DNA2: variants seen among roughly 807,000 people sequenced by gnomAD.
DNA2 encodes DNA replication helicase/nuclease 2, also known as DNA replication ATP-dependent helicase/nuclease DNA2.
Under a neutral mutation model 119.1 loss-of-function variants are expected in DNA2, and 101 were observed. The observed-to-expected ratio is 0.85, with a 90% CI of 0.72 to 1.00. The LOEUF (loss-of-function observed/expected upper bound fraction) is 1.00, where lower values mean the gene tolerates loss of function less well. DNA2 is among the 50% of genes least tolerant of loss of function. The probability of loss-of-function intolerance (pLI) is 0.00; values close to 1 mark genes in which losing one functional copy is unlikely to be tolerated. For synonymous variants in DNA2, 366 were observed against 424.4 expected (o/e 0.86, Z 1.69); for missense variants, 1,121 against 1,255.5 (o/e 0.89, Z 1.62).
intron 14 of DNA2, chr10:68,424,590 C>T (rs528008894): frequency 1.6e-5 from 19 of 1,167,000 alleles, no homozygotes; most frequent in Non-Finnish European, 2.2e-5. Context: ...GAACTTGGAC[C>T]GCAGCAAAAA....
intron 13 of DNA2, 105 bp from the exon 14 acceptor site, chr10:68,430,765 C>A: frequency 1.1e-6 from 1 of 902,166 alleles, no homozygotes; most frequent in South Asian, 1.9e-5. Flanking sequence ...AGAGCTGAGC[C>A]AAGTAAAAAT....
intron 14 of DNA2, 96 bp downstream of exon 14, chr10:68,430,340 C>T (rs2051803148): frequency 1.2e-6 from 1 of 825,344 alleles, no homozygotes; most frequent in Admixed American, 2.6e-5. Flanking sequence ...TGTGCAAATC[C>T]AGTCAATGTG....
chr10:68,445,603 T>C (rs1482004451), intron 7 of DNA2, among the ~76,000 whole-genome samples: 2 of 152,150 alleles, frequency 1.3e-5, no homozygotes, highest in Non-Finnish European at 2.9e-5. Flanking sequence ...AACAACATTT[T>C]GGTACATTTC....
chr10:68,445,939 C>T (rs1352886746), intron 7 of DNA2, among the ~76,000 whole-genome samples: 2 of 152,046 alleles, frequency 1.3e-5, no homozygotes, highest in African/African-American at 2.4e-5. Context: ...CCAGCCTGGC[C>T]AACATGGCGA....
In DNA2 at chr10:68,414,906, TCA is replaced by T. The variant is rs1324428307; in HGVS notation, c.*131_*132del. 2 of 523,944 alleles carry T rather than the reference TCA, an allele frequency of 3.8e-6. No homozygotes were observed. Among genetic ancestry groups the T allele is most frequent in the African/African-American group, 1.9e-5 (1 of 51,756 alleles). 32.5% of individuals were successfully genotyped at this position (523,944 alleles called of 1,614,324 possible). A position where few individuals can be genotyped will look rare whatever the true frequency, so the allele number is the denominator to read the frequency against. ...CATAGAACCCATAAATTCAGACTTT[TCA>T]CAGTTTTCGGTACACCTGTGCTTTA... On this transcript the variant is annotated 3_prime_UTR_variant, in exon 21 of 21. Transcript: ENST00000358410.
chr10:68,455,804 G>A (rs773483752), intron 5 of DNA2, among the ~76,000 whole-genome samples: 2 of 151,934 alleles, frequency 1.3e-5, no homozygotes, highest in Non-Finnish European at 2.9e-5. Flanking sequence ...CTGAGCGACA[G>A]AGCGAGACTC....
intron 9 of DNA2, among the ~76,000 whole-genome samples, chr10:68,440,823 C>T (rs2051958005): frequency 6.6e-6 from 1 of 152,088 alleles, no homozygotes; most frequent in South Asian, 2.1e-4. Context: ...CATTAATACT[C>T]ATTCTGCAAA....
chr10:68,415,251 C>T (rs2051573169), intron 20 of DNA2, 144 bp from the exon 21 acceptor site: 4 of 549,842 alleles, frequency 7.3e-6, no homozygotes, highest in East Asian at 3.0e-5. Flanking sequence ...ATAATTATGC[C>T]TTTAAGCAAC....
rs187660163 is a variant in DNA2, at chr10:68,437,072, C to A, written c.1585G>T (p.Ala529Ser). 1.0e-3 allele frequency: 1,644 copies of A among 1,613,910 alleles called. 15 individuals carry two copies. Among genetic ancestry groups the A allele is most frequent in the Non-Finnish European group, 3.9e-4 (461 of 1,179,862 alleles). ...TCCTTCACATATCCTCTAGACAAAG[C>A]AAACAGTGACCTTTCTTCTCCACTT... ...IVSGEERSLF[A>S]LSRGYVKEIN... The change falls in exon 10 of 21, where the codon GCT (alanine) becomes TCT (serine). Residue 529 changes from alanine (A) to serine (S), a missense_variant. Transcript: ENST00000358410.
At chr10:68,464,302 C>T (rs756968957) in intron 4 of DNA2, among the ~76,000 whole-genome samples, 2 of 151,264 alleles carry the variant, frequency 1.3e-5, no homozygotes, top group African/African-American at 2.4e-5. Flanking sequence ...CACTTGAGGT[C>T]AGTAGTACAA....
At chr10:68,444,038 CT>C (rs1258147761) in intron 8 of DNA2, among the ~76,000 whole-genome samples, 1 of 151,966 alleles carries the variant, frequency 6.6e-6, no homozygotes, top group Non-Finnish European at 1.5e-5. Context: ...AGGCAGATCA[CT>C]TGAGGTCAGG....
chr10:68,420,267 G>A (rs144473676), intron 17 of DNA2, among the ~76,000 whole-genome samples: 6 of 152,286 alleles, frequency 3.9e-5, no homozygotes, highest in African/African-American at 7.2e-5. Context: ...GGCCGGGCGC[G>A]GTGGCTCACG....
At chr10:68,416,495 A>G in intron 20 of DNA2, 1 of 465,276 alleles carries the variant, frequency 2.1e-6, no homozygotes, top group Non-Finnish European at 3.9e-6. Flanking sequence ...TTTTAATCTA[A>G]TCATTTGTTC....
chr10:68,450,284 ACT>A (rs762200362), intron 5 of DNA2, 37 bp from the exon 6 acceptor site: 52 of 1,447,684 alleles, frequency 3.6e-5, no homozygotes, highest in Admixed American at 8.1e-5. Flanking sequence ...CTTAATTAGA[ACT>A]CTTAGCTCAT....
At chr10:68,471,179 T>C (rs1036461724) in intron 1 of DNA2, among the ~76,000 whole-genome samples, 25 of 152,180 alleles carry the variant, frequency 1.6e-4, no homozygotes, top group Non-Finnish European at 4.4e-5. Context: ...AGTTATCTTT[T>C]GTTACCTGAC....
chr10:68,457,472 A>ACTAC (rs1230694393), intron 5 of DNA2, among the ~76,000 whole-genome samples: 1 of 152,144 alleles, frequency 6.6e-6, no homozygotes, highest in Non-Finnish European at 1.5e-5. Context: ...CCCTGCCACC[A>ACTAC]CTACCTACCT....
At chr10:68,437,831 C>T (rs1477470518) in intron 9 of DNA2, among the ~76,000 whole-genome samples, 1 of 152,048 alleles carries the variant, frequency 6.6e-6, no homozygotes, top group Non-Finnish European at 1.5e-5. Flanking sequence ...ATGCCTCAGT[C>T]TCCTGAGTAG....
At chr10:68,417,391 C>CAAAA (rs35777569) in intron 19 of DNA2, among the ~76,000 whole-genome samples, 1,215 of 76,918 alleles carry the variant, frequency 0.016, 8 homozygotes, top group Middle Eastern at 0.018. Flanking sequence ...ATAAGAAAAC[C>CAAAA]AAAAAAAAAA....
At position 68,445,059 on chromosome 10, in the gene DNA2, A is replaced by G. The variant is rs1370522958; in HGVS notation, c.1082T>C (p.Met361Thr). ...KRELLKLRNQ[M>T]AFSLFHRISK... ...AATACGGTGAAACAATGAGAATGCCATCTGGTTTCTTAGCTTTAATAATTC... is the reference window on the plus strand; with the variant it reads ...AATACGGTGAAACAATGAGAATGCCGTCTGGTTTCTTAGCTTTAATAATTC... Residue 361 changes from methionine to threonine, a missense_variant, in exon 8 of 21, where the codon ATG becomes ACG. By Grantham distance (81) the Met-to-Thr change is moderately conservative (BLOSUM62 -1). Transcript: ENST00000358410. 3.7e-6 allele frequency: 6 copies of G among 1,606,586 alleles called. No homozygotes were observed. The highest frequency in any genetic ancestry group is 5.1e-6 in the Non-Finnish European group (6 of 1,176,272).
Sources: gnomAD v4.1 joint callset for allele counts (sites outside exome capture counted in the v4.1 genomes callset) on GRCh38, gnomAD v4.1.1 for gene constraint, MANE v1.5 for transcripts, NCBI Gene and HGNC (gene_info 2026-07-23, HGNC 2026-07-21) for gene names.